The following WDR64 variants were observed in gnomAD, a reference collection of about 807,000 sequenced individuals.
WDR64 encodes the protein WD repeat domain 64.
In WDR64, 112 loss-of-function variants were observed where a neutral mutation model predicts 139.3. The ratio of observed to expected loss-of-function variants is 0.80; its 90% CI spans 0.69 to 0.94. The LOEUF is 0.94. WDR64 is among the 40% of genes least tolerant of loss of function. The pLI is 0.00. For missense variants in WDR64, 1,206 were observed against 1,293.1 expected, an observed-to-expected ratio of 0.93 and a Z score of 1.03; for synonymous variants, 444 against 437.7, an observed-to-expected ratio of 1.01 and a Z score of -0.18.
intron 3 of WDR64, among the ~76,000 whole-genome samples, chr1:241,673,763 C>CTATA (rs140454105): frequency 6.6e-6 from 1 of 152,024 alleles, no homozygotes; most frequent in East Asian, 1.9e-4. Flanking sequence ...GGAAGAAATT[C>CTATA]TATATATATG....
At chr1:241,657,415 G>A (rs975218823) in intron 1 of WDR64, among the ~76,000 whole-genome samples, 7 of 152,026 alleles carry the variant, frequency 4.6e-5, no homozygotes, top group African/African-American at 7.2e-5. Flanking sequence ...TAAAATACCC[G>A]CTTCTGACTC....
rs183962523 is a variant in WDR64, at chr1:241,689,116, C to T, written c.974+1521C>T. On this transcript the variant is annotated intron_variant, in intron 8 of 27. Coordinates refer to ENST00000437684, the MANE Select transcript of WDR64 (RefSeq NM_001367482.1). ...AAGACTGACAAGCACTTGTGAAATT[C>T]GCAATCCAGACACACAGGCTCATCA... Among the ~76,000 whole-genome samples the T allele has an allele frequency of 1.1e-4, 17 of 152,246 alleles. 1 individual carries two copies. The highest frequency in any genetic ancestry group is 5.8e-4 in the East Asian group (3 of 5,178).
intron 2 of WDR64, among the ~76,000 whole-genome samples, chr1:241,666,213 T>C (rs1183353660): frequency 6.6e-6 from 1 of 152,158 alleles, no homozygotes; most frequent in African/African-American, 2.4e-5. Flanking sequence ...ATTACTACAC[T>C]GAAACTGAAA....
chr1:241,704,489 A>C (rs1667859203), intron 8 of WDR64, among the ~76,000 whole-genome samples: 1 of 152,164 alleles, frequency 6.6e-6, no homozygotes, highest in Non-Finnish European at 1.5e-5. Flanking sequence ...AAATACTGGA[A>C]AGCAGGCCAT....
In WDR64 at chr1:241,749,623, C is replaced by T. The variant is rs563728589; in HGVS notation, c.1671C>T (p.Asp557=). The T allele has an allele frequency of 6.2e-6, 10 of 1,614,062 alleles. No individual in the cohort carries two copies. In the East Asian group the frequency reaches 2.0e-4, roughly 32 times the overall value. The change falls in exon 14 of 28, where the codon GAC becomes GAT. Residue 557 remains aspartate, a synonymous_variant. Transcript: ENST00000437684. ...VLPEGKDWKE[D]EHCLRRLIFL... The stretch of plus-strand genomic sequence containing the variant: ...CGGAGGGGAAAGACTGGAAGGAGGA[C>T]GAGCACTGCCTACGACGCCTCATTT...
At position 241,801,130 on chromosome 1, in the gene WDR64, A is replaced by C; in HGVS notation, c.3193-2A>C. On this transcript the variant is annotated splice_acceptor_variant, in intron 27 of 27. Transcript: ENST00000437684. LOFTEE classifies it high-confidence loss of function. ...CTAACTGACATGCTCTTTATTTCACAGGCACCACGAAGAAGAAGTTTGAAA... is the reference window on the plus strand; with the variant it reads ...CTAACTGACATGCTCTTTATTTCACCGGCACCACGAAGAAGAAGTTTGAAA... The C allele has an allele frequency of 6.2e-7, 1 of 1,613,234 alleles. No individual in the cohort carries two copies. Among genetic ancestry groups the C allele is most frequent in the Non-Finnish European group, 8.5e-7 (1 of 1,179,482 alleles).
chr1:241,688,824 C>T (rs562369919), intron 8 of WDR64, among the ~76,000 whole-genome samples: 225 of 152,092 alleles, frequency 1.5e-3, no homozygotes, highest in African/African-American at 5.3e-3. Context: ...CATAGGGGCC[C>T]CTATGCTTTT....
At chr1:241,675,221 T>TC (rs1666494581) in intron 4 of WDR64, among the ~76,000 whole-genome samples, 2 of 39,050 alleles carry the variant, frequency 5.1e-5, no homozygotes, top group African/African-American at 2.4e-4. Context: ...CTCCCTCCCT[T>TC]CTTCCTTCCT....
chr1:241,712,477 C>G (rs1226545098), intron 9 of WDR64, among the ~76,000 whole-genome samples: 1 of 152,156 alleles, frequency 6.6e-6, no homozygotes, highest in South Asian at 2.1e-4. Context: ...CTGAAATGAT[C>G]TTTGAGACTC....
Position 241,660,565 on chromosome 1 carries a change from C to T in WDR64, c.181C>T (p.Gln61Ter), listed in dbSNP as rs1484464978. 1 of 1,551,794 alleles carries T rather than the reference C, an allele frequency of 6.4e-7. No individual in the cohort carries two copies. The highest frequency in any genetic ancestry group is 2.4e-5 in the East Asian group (1 of 40,908). ...IGYDKFYASV[Q>*]KLFGPDVKNQ... is the part of the protein sequence containing the mutation. ...TTATGACAAGTTTTATGCATCGGTA[C>T]AGAAGCTCTTTGGTCCAGATGTGAA... is the stretch of plus-strand genomic sequence containing the variant. Residue 61 changes from glutamine (Q) to a stop codon, truncating the protein, a stop_gained, in exon 2 of 28, where the codon CAG becomes TAG. Coordinates refer to ENST00000437684, the MANE Select transcript of WDR64 (RefSeq NM_001367482.1). LOFTEE classifies it high-confidence loss of function.
intron 19 of WDR64, 30 bp from the exon 20 acceptor site, chr1:241,772,762 C>A: frequency 6.5e-7 from 1 of 1,550,146 alleles, no homozygotes; most frequent in Non-Finnish European, 8.7e-7. Flanking sequence ...CACGCCTGGC[C>A]TCATGATAGT....
chr1:241,657,864 C>T (rs1665670578), intron 1 of WDR64, among the ~76,000 whole-genome samples: 1 of 152,216 alleles, frequency 6.6e-6, no homozygotes, highest in African/African-American at 2.4e-5. Flanking sequence ...CACCTTTAGC[C>T]ACCATCCAGA....
At chr1:241,760,953 T>A (rs1012877953) in intron 15 of WDR64, among the ~76,000 whole-genome samples, 3 of 151,836 alleles carry the variant, frequency 2.0e-5, no homozygotes, top group African/African-American at 7.3e-5. Flanking sequence ...TGACAGTGTG[T>A]CTTTGGGATA....
At chr1:241,695,846 G>A (rs1667461749) in intron 8 of WDR64, among the ~76,000 whole-genome samples, 1 of 152,000 alleles carries the variant, frequency 6.6e-6, no homozygotes, top group African/African-American at 2.4e-5. Context: ...CAGACATAGT[G>A]GCTAAGCCTG....
intron 25 of WDR64, among the ~76,000 whole-genome samples, chr1:241,791,093 C>G (rs992724413): frequency 6.7e-6 from 1 of 150,094 alleles, no homozygotes; most frequent in African/African-American, 2.5e-5. Context: ...TTGAGACCAG[C>G]CTGATCAACA....
At chr1:241,694,229 A>G (rs538571774) in intron 8 of WDR64, among the ~76,000 whole-genome samples, 1 of 152,320 alleles carries the variant, frequency 6.6e-6, no homozygotes, top group East Asian at 1.9e-4. Flanking sequence ...GAAGAACAGC[A>G]TATCACATCT....
rs138513526 is a variant in WDR64 at position 241,784,976 on chromosome 1, A to AAAAAAAAAAAAAG, written c.2705+1595_2705+1596insAAAAAAAAAAAAG. Among the ~76,000 whole-genome samples, 142 of 98,360 alleles carry AAAAAAAAAAAAAG rather than the reference A, an allele frequency of 1.4e-3. 3 individuals are homozygous for AAAAAAAAAAAAAG. Among genetic ancestry groups the AAAAAAAAAAAAAG allele is most frequent in the East Asian group, 2.3e-3 (7 of 3,098 alleles). The allele number at this position is 98,360 out of a possible 152,430, so 64.5% of individuals were successfully genotyped here. A position where few individuals can be genotyped will look rare whatever the true frequency, so the allele number is the denominator to read the frequency against. On this transcript the variant is annotated intron_variant, in intron 23 of 27. Coordinates refer to ENST00000437684, the MANE Select transcript of WDR64 (RefSeq NM_001367482.1). ...CTGAAAAAAAAAAAAAAAAAAAAAA[A>AAAAAAAAAAAAAG]GAAAGGACATCTGCTGTTTTATTTG...
chr1:241,742,234 T>C (rs1669574712), intron 12 of WDR64, among the ~76,000 whole-genome samples: 1 of 146,456 alleles, frequency 6.8e-6, no homozygotes, highest in African/African-American at 2.7e-5. Context: ...TAAGCACCCA[T>C]GCCCTTTCTG....
At chr1:241,757,597 C>A in intron 15 of WDR64, 138 bp downstream of exon 15, 2 of 592,310 alleles carry the variant, frequency 3.4e-6, no homozygotes, top group Non-Finnish European at 2.7e-6. Context: ...TGTATATGAC[C>A]AAACTTACTC....
Sources: gnomAD v4.1 joint callset for allele counts (sites outside exome capture counted in the v4.1 genomes callset) on GRCh38, gnomAD v4.1.1 for gene constraint, MANE v1.5 for transcripts, NCBI Gene and HGNC (gene_info 2026-07-23, HGNC 2026-07-21) for gene names.